Variants in FABP12 observed in about 807,000 individuals in gnomAD.
FABP12 encodes fatty acid binding protein 12, also known as fatty acid-binding protein 12.
Under a neutral mutation model 13.7 loss-of-function variants are expected in FABP12, and 19 were observed. The observed-to-expected ratio is 1.39, with a 90% confidence interval of 0.97 to 2.04. FABP12 has a LOEUF of 2.04. FABP12 is among the 30% of genes most tolerant of loss of function. The pLI, the probability that FABP12 is intolerant of heterozygous loss-of-function variation, is 0.00. For missense variants in FABP12, 182 were observed against 164.2 expected (o/e 1.11, Z -0.59); for synonymous variants, 61 against 57.0 (o/e 1.07, Z -0.32).
chr8:81,539,113 T>G (rs1585840486), intron 2 of FABP12, among the ~76,000 whole-genome samples: 2 of 152,290 alleles, frequency 1.3e-5, no homozygotes, highest in East Asian at 3.9e-4. Flanking sequence ...CCTCCCAATG[T>G]GCTGAGATTA....
chr8:81,530,076 A>G (rs1236870711), intron 2 of FABP12, among the ~76,000 whole-genome samples: 2 of 152,168 alleles, frequency 1.3e-5, no homozygotes, highest in South Asian at 2.1e-4. Context: ...TGTTTCCTCA[A>G]TGATGTATGT....
intron 1 of FABP12, among the ~76,000 whole-genome samples, chr8:81,556,560 G>C (rs1563551252): frequency 7.9e-6 from 1 of 127,254 alleles, no homozygotes; most frequent in Non-Finnish European, 1.6e-5. Flanking sequence ...TAACTTTAAT[G>C]GTAAAAGGCT....
intron 1 of FABP12, among the ~76,000 whole-genome samples, chr8:81,569,169 C>A (rs1046143589): frequency 6.6e-6 from 1 of 152,060 alleles, no homozygotes; most frequent in Non-Finnish European, 1.5e-5. Context: ...CCCCTTAACC[C>A]TGATGTAATA....
At chr8:81,577,434 A>T (rs1810068073) in intron 1 of FABP12, among the ~76,000 whole-genome samples, 1 of 152,196 alleles carries the variant, frequency 6.6e-6, no homozygotes, top group Non-Finnish European at 1.5e-5. Context: ...CTGCTTTAAT[A>T]TATTTAGTTA....
upstream of FABP12, among the ~76,000 whole-genome samples, chr8:81,537,979 G>A (rs2129977660): frequency 6.6e-6 from 1 of 152,308 alleles, no homozygotes; most frequent in South Asian, 2.1e-4. Flanking sequence ...TTGGTTCATG[G>A]TTCTGCAGAC....
chr8:81,574,953 T>C (rs1008193668), intron 1 of FABP12, among the ~76,000 whole-genome samples: 20 of 152,100 alleles, frequency 1.3e-4, no homozygotes, highest in Non-Finnish European at 2.5e-4. Context: ...TTTCATTTAG[T>C]TCTGCTCTGA....
upstream of FABP12, among the ~76,000 whole-genome samples, chr8:81,536,240 C>T (rs541842581): frequency 5.3e-5 from 8 of 152,254 alleles, no homozygotes; most frequent in Admixed American, 3.9e-4. Context: ...CCAGTAAATA[C>T]GGAACATAAT....
intron 1 of FABP12, among the ~76,000 whole-genome samples, chr8:81,559,174 C>T (rs1032648314): frequency 2.0e-5 from 3 of 152,198 alleles, no homozygotes; most frequent in Non-Finnish European, 4.4e-5. Context: ...CCTTTAAACA[C>T]CTAACAGTTC....
At chr8:81,565,708 C>A (rs542537784) in intron 1 of FABP12, among the ~76,000 whole-genome samples, 4 of 151,920 alleles carry the variant, frequency 2.6e-5, no homozygotes, top group Non-Finnish European at 5.9e-5. Context: ...AGTATAAGCA[C>A]CTACATCAAA....
At chr8:81,562,469 T>C (rs966173881) in intron 1 of FABP12, among the ~76,000 whole-genome samples, 6 of 152,190 alleles carry the variant, frequency 3.9e-5, no homozygotes, top group African/African-American at 1.2e-4. Flanking sequence ...AGGTGTCATC[T>C]TGGGGTTCCC....
intron 1 of FABP12, among the ~76,000 whole-genome samples, chr8:81,550,226 A>G (rs1301582865): frequency 6.6e-6 from 1 of 152,218 alleles, no homozygotes; most frequent in Non-Finnish European, 1.5e-5. Flanking sequence ...AATATTGATC[A>G]AGACAAAAGA....
intron 1 of FABP12, among the ~76,000 whole-genome samples, chr8:81,585,605 A>G (rs559964927): frequency 1.3e-5 from 2 of 152,204 alleles, no homozygotes; most frequent in East Asian, 3.9e-4. Flanking sequence ...TGTTTTATCT[A>G]TTTCTGTGAG....
exon 3 of FABP12, chr8:81,529,540 A>C: frequency 6.2e-7 from 1 of 1,613,922 alleles, no homozygotes; most frequent in Non-Finnish European, 8.5e-7. Flanking sequence ...TTGTGATGAC[A>C]TCTCCATCTG....
chr8:81,560,851 G>A (rs923808069), intron 1 of FABP12, among the ~76,000 whole-genome samples: 2 of 152,202 alleles, frequency 1.3e-5, no homozygotes, highest in Non-Finnish European at 2.9e-5. Context: ...TCCTTAGGCT[G>A]TGCTGCTTCT....
chr8:81,572,098 C>T (rs1354939767), intron 1 of FABP12, among the ~76,000 whole-genome samples: 1 of 151,072 alleles, frequency 6.6e-6, no homozygotes, highest in Non-Finnish European at 1.5e-5. Flanking sequence ...TCTTTTATAC[C>T]TTGCCCCCTC....
intron 2 of FABP12, 141 bp from the exon 3 acceptor site, chr8:81,529,751 C>T (rs372581095): frequency 3.6e-5 from 27 of 750,180 alleles, no homozygotes; most frequent in East Asian, 2.2e-4. Context: ...AGGAGGTTTG[C>T]GAATTGAACA....
intron 1 of FABP12, among the ~76,000 whole-genome samples, chr8:81,558,508 T>G (rs543779873): frequency 6.6e-6 from 1 of 152,124 alleles, no homozygotes; most frequent in African/African-American, 2.4e-5. Context: ...TCCCTGAGCC[T>G]GCTCCACGTG....
At chr8:81,584,271 G>C (rs929938922) in intron 1 of FABP12, among the ~76,000 whole-genome samples, 4 of 152,186 alleles carry the variant, frequency 2.6e-5, no homozygotes, top group Non-Finnish European at 5.9e-5. Flanking sequence ...TTAGACTGCA[G>C]GAGGTGAGTG....
intron 1 of FABP12, among the ~76,000 whole-genome samples, chr8:81,556,050 C>A (rs1320107712): frequency 1.3e-5 from 2 of 152,014 alleles, no homozygotes; most frequent in Non-Finnish European, 2.9e-5. Flanking sequence ...CAAAATGTGC[C>A]ACAAACACAG....
Sources: allele counts gnomAD v4.1 joint callset (sites outside exome capture counted in the v4.1 genomes callset), GRCh38; gene constraint gnomAD v4.1.1; transcripts MANE v1.5; gene names NCBI Gene and HGNC (gene_info 2026-07-23, HGNC 2026-07-21).